The following HACL1 variants were observed in gnomAD, a reference collection of about 807,000 sequenced individuals.
HACL1 encodes the protein 2-hydroxyacyl-CoA lyase 1.
In HACL1, 64 loss-of-function variants were observed where a neutral mutation model predicts 74.2. The ratio of observed to expected loss-of-function variants is 0.86; its 90% CI spans 0.70 to 1.06. The LOEUF (loss-of-function observed/expected upper bound fraction) is 1.06. Among genes scored for constraint, HACL1 ranks in the 50% least tolerant of loss-of-function variants. The pLI is 0.00. For missense variants in HACL1, 728 were observed against 719.7 expected (o/e 1.01, Z -0.13); for synonymous variants, 230 against 238.8 (o/e 0.96, Z 0.34).
At chr3:15,585,217 A>C (rs771635088) in intron 7 of HACL1, 31 bp downstream of exon 7, 3 of 1,050,188 alleles carry the variant, frequency 2.9e-6, no homozygotes, top group Admixed American at 1.7e-5. Flanking sequence ...ATGTACATTG[A>C]AGAAAGAATT....
At chr3:15,566,769 A>G (rs1482140646) in intron 14 of HACL1, among the ~76,000 whole-genome samples, 2 of 147,214 alleles carry the variant, frequency 1.4e-5, no homozygotes, top group African/African-American at 5.1e-5. Context: ...CCTAAAGGAT[A>G]CTATTCCTGC....
intron 15 of HACL1, among the ~76,000 whole-genome samples, chr3:15,564,219 C>T (rs1219519397): frequency 7.9e-5 from 12 of 152,210 alleles, no homozygotes; most frequent in Admixed American, 7.9e-4. Context: ...TAAACATCCA[C>T]ATTTCCAAAT....
intron 9 of HACL1, 120 bp from the exon 10 acceptor site, chr3:15,575,202 A>G (rs2063602376): frequency 1.8e-6 from 1 of 556,850 alleles, no homozygotes; most frequent in African/African-American, 1.9e-5. Context: ...CTTCAGAATC[A>G]GCTTCTAGGG....
chr3:15,600,628 C>G (rs1005825429), intron 2 of HACL1, among the ~76,000 whole-genome samples: 1 of 152,202 alleles, frequency 6.6e-6, no homozygotes, highest in Non-Finnish European at 1.5e-5. Flanking sequence ...TACAACAAAG[C>G]CTTGGCCTTC....
chr3:15,577,374 T>C (rs1256439421), intron 9 of HACL1, among the ~76,000 whole-genome samples: 1 of 151,604 alleles, frequency 6.6e-6, no homozygotes, highest in Non-Finnish European at 1.5e-5. Flanking sequence ...AATGAAAATA[T>C]GAAGAACACC....
In HACL1 at chr3:15,601,471, C is replaced by T; in HGVS notation, c.-8G>A. The T allele has an allele frequency of 6.2e-7, 1 of 1,612,632 alleles. No homozygotes were observed. The highest frequency in any genetic ancestry group is 1.3e-5 in the African/African-American group (1 of 75,062). On this transcript the variant is annotated 5_prime_UTR_variant, in exon 1 of 17. Transcript: ENST00000321169. Reference sequence around the variant, plus strand: ...GAAGTTACTGTCCGGCATCTTCCACCGAAAAGCTCTAAGCACTCACGCAGC... The same window carrying T: ...GAAGTTACTGTCCGGCATCTTCCACTGAAAAGCTCTAAGCACTCACGCAGC...
In HACL1 at chr3:15,560,711, T is replaced by C; in HGVS notation, c.*154A>G. ...CTTTTTCTGTTACTTTTTCTAACTT[T>C]TTCTGTTTTTAATCAATTCCTTTAC... On this transcript the variant is annotated 3_prime_UTR_variant, in exon 17 of 17. Coordinates refer to ENST00000321169, the MANE Select transcript of HACL1 (RefSeq NM_012260.4). The C allele has an allele frequency of 3.1e-6, 2 of 653,860 alleles. No individual in the cohort carries two copies. The highest frequency in any genetic ancestry group is 3.5e-5 in the South Asian group (2 of 56,544). 40.5% of individuals were successfully genotyped at this position (653,860 alleles called of 1,614,324 possible).
At chr3:15,589,926 T>C (rs1357703283) in intron 4 of HACL1, among the ~76,000 whole-genome samples, 2 of 151,858 alleles carry the variant, frequency 1.3e-5, no homozygotes, top group Non-Finnish European at 2.9e-5. Flanking sequence ...TCCCAGCTAC[T>C]TGGGAGGCTG....
At chr3:15,592,211 T>C (rs2063929491) in intron 3 of HACL1, among the ~76,000 whole-genome samples, 2 of 150,544 alleles carry the variant, frequency 1.3e-5, no homozygotes, top group South Asian at 4.1e-4. Flanking sequence ...TATACATGCG[T>C]GTATATATGT....
chr3:15,574,570 T>C (rs2063590737), intron 10 of HACL1, among the ~76,000 whole-genome samples: 1 of 152,186 alleles, frequency 6.6e-6, no homozygotes, highest in Non-Finnish European at 1.5e-5. Context: ...ACAGTGTCAT[T>C]TAGAAATTCC....
chr3:15,592,110 T>TATATAC (rs2063921585), intron 3 of HACL1, among the ~76,000 whole-genome samples: 3 of 141,930 alleles, frequency 2.1e-5, no homozygotes, highest in African/African-American at 8.3e-5. Flanking sequence ...TACGTATATA[T>TATATAC]ACACACTATA....
In HACL1 at chr3:15,575,135, C is replaced by T. The variant is rs796946931; in HGVS notation, c.804-53G>A. The T allele has an allele frequency of 7.5e-5, 69 of 919,730 alleles. No homozygotes were observed. The African/African-American group carries it at 7.7e-4, about 10-fold the overall frequency. 57.0% of individuals were successfully genotyped at this position (919,730 alleles called of 1,614,324 possible). A position where few individuals can be genotyped will look rare whatever the true frequency, so the allele number is the denominator to read the frequency against. On this transcript the variant is annotated intron_variant, in intron 9 of 16. Coordinates refer to ENST00000321169, the MANE Select transcript of HACL1 (RefSeq NM_012260.4). ...AACTACATTTCTTATTTGAATTATT[C>T]GAAAATTCATCTCTGAAGTATTTGA... is the stretch of plus-strand genomic sequence containing the variant.
At position 15,585,320 on chromosome 3, in the gene HACL1, C is replaced by A; in HGVS notation, c.482G>T (p.Gly161Val). The change falls in exon 7 of 17, where the codon GGT (glycine) becomes GTT (valine). Residue 161 changes from glycine (G) to valine (V), a missense_variant. By Grantham distance (109) the Gly-to-Val change is moderately radical (BLOSUM62 -3). Coordinates refer to ENST00000321169, the MANE Select transcript of HACL1 (RefSeq NM_012260.4). ...GTCAACATAGCAAGCACCTGGACGA[C>A]CATAGATACTGCTTCTCACTGCCTA... ...IEKAVRSSIY[G>V]RPGACYVDIP... The A allele has an allele frequency of 6.2e-7, 1 of 1,600,260 alleles. No homozygotes were observed. Among genetic ancestry groups the A allele is most frequent in the East Asian group, 2.2e-5 (1 of 44,764 alleles).
At chr3:15,563,142 C>T (rs1310548910) in intron 16 of HACL1, among the ~76,000 whole-genome samples, 2 of 152,162 alleles carry the variant, frequency 1.3e-5, no homozygotes, top group Non-Finnish European at 2.9e-5. Context: ...TCCATGAAGT[C>T]GTGAGGACCG....
chr3:15,572,005 A>G (rs909928658), intron 11 of HACL1, among the ~76,000 whole-genome samples: 2 of 151,522 alleles, frequency 1.3e-5, no homozygotes, highest in African/African-American at 4.8e-5. Context: ...ATGCTCAGCT[A>G]ATTTTTGTAT....
chr3:15,601,389 T>C lies in HACL1; in HGVS notation c.75A>G (p.Lys25=), dbSNP rs769957337. The change falls in exon 1 of 17, where the codon AAA becomes AAG. Residue 25 remains lysine (K), a synonymous_variant. Transcript: ENST00000321169. ...SGAKVIAQAL[K]TQDVEYIFGI... is the part of the protein sequence containing the mutation. Reference sequence around the variant, plus strand: ...CCAGGAAGGTCCATCGTACTTGCGTTTTCAGGGCCTGAGCGATGACTTTAG... The same window carrying C: ...CCAGGAAGGTCCATCGTACTTGCGTCTTCAGGGCCTGAGCGATGACTTTAG... 6.2e-7 allele frequency: 1 copy of C among 1,614,048 alleles called. No homozygotes were observed. The highest frequency in any genetic ancestry group is 1.3e-5 in the African/African-American group (1 of 74,948).
In HACL1 at chr3:15,574,675, CTT is replaced by C. The variant is rs1240289690; in HGVS notation, c.909+300_909+301del. ...CTAGTCTACCATCCTACTTAAGTCT[CTT>C]TTCTCTACCTTTAAATATACTTGAA... is the stretch of plus-strand genomic sequence containing the variant. On this transcript the variant is annotated intron_variant, in intron 10 of 16. Coordinates refer to ENST00000321169, the MANE Select transcript of HACL1 (RefSeq NM_012260.4). Among the ~76,000 whole-genome samples the C allele has an allele frequency of 2.0e-5, 3 of 152,326 alleles. No homozygotes were observed. In the East Asian group the frequency reaches 5.8e-4, roughly 29 times the overall value.
rs140555235 is a variant in HACL1 at position 15,569,691 on chromosome 3, C to T, written c.1096-1105G>A. ...ACAAAATTAGTCAGGCATGGTGGCA[C>T]ATGCCTGTAATCCAGCTACTCGGGA... On this transcript the variant is annotated intron_variant, in intron 12 of 16. Coordinates refer to ENST00000321169, the MANE Select transcript of HACL1 (RefSeq NM_012260.4). 4.3e-4 allele frequency among the ~76,000 whole-genome samples: 66 copies of T among 152,170 alleles called. 1 individual carries two copies. The highest frequency in any genetic ancestry group is 1.5e-3 in the African/African-American group (64 of 41,522).
At position 15,601,110 on chromosome 3, in the gene HACL1, C is replaced by G; in HGVS notation, c.166G>C (p.Gly56Arg). Residue 56 changes from glycine to arginine, a missense_variant, in exon 2 of 17, where the codon GGG becomes CGG. Physicochemically the swap from Gly to Arg is moderately radical, Grantham distance 125 (BLOSUM62 -2). Coordinates refer to ENST00000321169, the MANE Select transcript of HACL1 (RefSeq NM_012260.4). ...CTCACCGCTTGCTCATTCCTCATCC[C>G]GATGTACTTGATGCCTAGCTGCTGG... ...AAQQLGIKYIGMRNEQAACYA... is the reference protein window; with the variant it reads ...AAQQLGIKYIRMRNEQAACYA... The G allele has an allele frequency of 6.2e-7, 1 of 1,612,522 alleles. No homozygotes were observed. The highest frequency in any genetic ancestry group is 8.5e-7 in the Non-Finnish European group (1 of 1,178,496).
Sources: allele counts gnomAD v4.1 joint callset (sites outside exome capture counted in the v4.1 genomes callset), GRCh38; gene constraint gnomAD v4.1.1; transcripts MANE v1.5; gene names NCBI Gene and HGNC (gene_info 2026-07-23, HGNC 2026-07-21).